ITSN1: variants seen among roughly 807,000 people sequenced by gnomAD.
ITSN1 encodes intersectin-1.
ITSN1 carries 58 observed loss-of-function variants against 239.8 expected under a neutral mutation model. The ratio of observed to expected loss-of-function variants is 0.24; its 90% CI spans 0.20 to 0.30. ITSN1 has a LOEUF of 0.30. ITSN1 is among the 10% of genes least tolerant of loss of function. The pLI, the probability that ITSN1 is intolerant of heterozygous loss-of-function variation, is 1.00. For synonymous variants in ITSN1, 780 were observed against 770.8 expected, an observed-to-expected ratio of 1.01 and a Z score of -0.20; for missense variants, 1,558 against 2,103.3, an observed-to-expected ratio of 0.74 and a Z score of 5.07.
intron 9 of ITSN1, 138 bp from the exon 10 acceptor site, chr21:33,765,737 C>T: frequency 1.3e-6 from 1 of 775,620 alleles, no homozygotes; most frequent in Admixed American, 2.3e-5. Flanking sequence ...AAAATAGGTA[C>T]TATTTTGACA....
chr21:33,898,693 G>A lies in ITSN1; in HGVS notation c.*10393G>A, dbSNP rs1387269788. On this transcript the variant is annotated 3_prime_UTR_variant, in exon 40 of 40. Transcript: ENST00000381318. ...GTGTTTGGGGGTGACACCGCTGGTG[G>A]AAGGTTGAGGGCCTGTGGTCTGAAA... 6.6e-6 allele frequency: 1 copy of A among 152,298 alleles called. No homozygotes were observed. Among genetic ancestry groups the A allele is most frequent in the Non-Finnish European group, 1.5e-5 (1 of 68,080 alleles). The allele number at this position is 152,298 out of a possible 1,614,324, so 9.4% of individuals were successfully genotyped here. A position where few individuals can be genotyped will look rare whatever the true frequency, so the allele number is the denominator to read the frequency against.
chr21:33,815,270 G>T (rs886108552), intron 22 of ITSN1, among the ~76,000 whole-genome samples: 2 of 149,822 alleles, frequency 1.3e-5, no homozygotes, highest in Non-Finnish European at 2.9e-5. Flanking sequence ...GCACGTGTGT[G>T]TTCTGTGGTC....
chr21:33,829,438 T>C, intron 26 of ITSN1, 186 bp from the exon 27 acceptor site: 1 of 628,906 alleles, frequency 1.6e-6, no homozygotes, highest in Non-Finnish European at 2.8e-6. Context: ...GGCCCTTGAA[T>C]GCCGTGTCTG....
intron 1 of ITSN1, among the ~76,000 whole-genome samples, chr21:33,697,481 A>C (rs775619797): frequency 1.3e-5 from 2 of 151,846 alleles, no homozygotes; most frequent in Non-Finnish European, 2.9e-5. Flanking sequence ...TTTTCATGTG[A>C]CAAAGTGTTT....
chr21:33,686,688 ATAT>A (rs767188233), intron 1 of ITSN1, among the ~76,000 whole-genome samples: 1 of 152,172 alleles, frequency 6.6e-6, no homozygotes, highest in Non-Finnish European at 1.5e-5. Context: ...TCCATTTTAT[ATAT>A]CACATTTCAA....
chr21:33,748,314 G>A (rs1685160741), intron 5 of ITSN1, among the ~76,000 whole-genome samples: 1 of 152,028 alleles, frequency 6.6e-6, no homozygotes, highest in Non-Finnish European at 1.5e-5. Flanking sequence ...GCTGCATTTG[G>A]TGGTGCGTGT....
rs1986564879 is a variant in ITSN1, at chr21:33,894,345, A to G, written c.*6045A>G. The G allele has an allele frequency of 6.6e-6, 1 of 152,124 alleles. No individual in the cohort carries two copies. The highest frequency in any genetic ancestry group is 1.5e-5 in the Non-Finnish European group (1 of 68,010). 9.4% of individuals were successfully genotyped at this position (152,124 alleles called of 1,614,324 possible). The stretch of plus-strand genomic sequence containing the variant: ...ACACCCACATCATAATTTTTCTGAC[A>G]CTATGTGTGCTTGTCAAATTTCAGG... On this transcript the variant is annotated 3_prime_UTR_variant, in exon 40 of 40. Transcript: ENST00000381318.
At chr21:33,785,350 G>A (rs944550123) in intron 16 of ITSN1, among the ~76,000 whole-genome samples, 8 of 152,156 alleles carry the variant, frequency 5.3e-5, no homozygotes, top group African/African-American at 1.9e-4. Context: ...AGGTATAAAG[G>A]TAATACAGGG....
chr21:33,824,220 G>C (rs2073853168), intron 25 of ITSN1, among the ~76,000 whole-genome samples: 1 of 152,150 alleles, frequency 6.6e-6, no homozygotes, highest in South Asian at 2.1e-4. Context: ...GTATGAATTG[G>C]AAGTGCTCTC....
Position 33,772,096 on chromosome 21 carries a change from C to A in ITSN1, c.1078C>A (p.Arg360Ser). ...FEDKKRENFE[R>S]GNLELEKRRQ... ...AGATAAGAAGCGGGAGAACTTTGAA[C>A]GTGGCAACCTGGAACTGGAGAAACG... The change falls in exon 12 of 40, where the codon CGT becomes AGT. Residue 360 changes from arginine (R) to serine (S), a missense_variant. Around this residue, in one of 2 missense-constraint regions of ITSN1, gnomAD observed 982 missense variants for 1,209.9 expected, o/e 0.81. Transcript: ENST00000381318. The A allele has an allele frequency of 6.2e-7, 1 of 1,614,148 alleles. No individual in the cohort carries two copies. The highest frequency in any genetic ancestry group is 8.5e-7 in the Non-Finnish European group (1 of 1,180,014).
chr21:33,872,790 C>A (rs953534633), intron 33 of ITSN1, among the ~76,000 whole-genome samples: 1 of 152,094 alleles, frequency 6.6e-6, no homozygotes, highest in African/African-American at 2.4e-5. Context: ...CTTCGGCCTC[C>A]CAAAGCAATT....
chr21:33,831,359 T>C (rs2074284553), intron 27 of ITSN1, among the ~76,000 whole-genome samples: 1 of 152,102 alleles, frequency 6.6e-6, no homozygotes, highest in Non-Finnish European at 1.5e-5. Flanking sequence ...TGAACGGATA[T>C]AGGAAGGAAT....
At chr21:33,722,721 G>T in intron 4 of ITSN1, 70 bp downstream of exon 4, 1 of 1,389,032 alleles carries the variant, frequency 7.2e-7, no homozygotes, top group Non-Finnish European at 9.7e-7. Context: ...TGTTCTATTT[G>T]GTAATATGAT....
At chr21:33,735,684 A>C (rs1168106149) in intron 5 of ITSN1, 1 of 171,070 alleles carries the variant, frequency 5.8e-6, no homozygotes, top group Non-Finnish European at 1.2e-5. Context: ...AATAGAGAAA[A>C]AATAAACATT....
chr21:33,677,652 C>A (rs1330871381), intron 1 of ITSN1, among the ~76,000 whole-genome samples: 1 of 152,110 alleles, frequency 6.6e-6, no homozygotes, highest in Non-Finnish European at 1.5e-5. Flanking sequence ...AAACGGAATT[C>A]TTGATGCTGT....
intron 18 of ITSN1, among the ~76,000 whole-genome samples, chr21:33,798,780 A>G (rs940202776): frequency 6.6e-6 from 1 of 152,194 alleles, no homozygotes; most frequent in Admixed American, 6.5e-5. Context: ...TTAGGCACCT[A>G]CCTGCCTTCA....
chr21:33,678,026 TC>T (rs1300825183), intron 1 of ITSN1, among the ~76,000 whole-genome samples: 1 of 152,222 alleles, frequency 6.6e-6, no homozygotes, highest in Non-Finnish European at 1.5e-5. Flanking sequence ...TTCAAAGACT[TC>T]CCATTACATT....
chr21:33,652,770 C>T (rs1304502449), intron 1 of ITSN1, among the ~76,000 whole-genome samples: 1 of 152,092 alleles, frequency 6.6e-6, no homozygotes, highest in Non-Finnish European at 1.5e-5. Flanking sequence ...TGCCTATTGG[C>T]CTTACACAAA....
intron 1 of ITSN1, among the ~76,000 whole-genome samples, chr21:33,660,273 A>G (rs1399724695): frequency 2.0e-5 from 3 of 152,068 alleles, no homozygotes; most frequent in African/African-American, 7.2e-5. Flanking sequence ...CCGTGCTTTT[A>G]TCTCCTAAGG....
Sources: allele counts gnomAD v4.1 joint callset (sites outside exome capture counted in the v4.1 genomes callset), GRCh38; gene constraint gnomAD v4.1.1; regional missense constraint gnomAD v4.1.1; transcripts MANE v1.5; gene names NCBI Gene and HGNC (gene_info 2026-07-23, HGNC 2026-07-21).